The following CAMKV variants were observed in gnomAD, a reference collection of about 807,000 sequenced individuals.
CAMKV encodes the protein caM kinase-like vesicle-associated protein.
A neutral mutation model predicts 50.2 loss-of-function variants in CAMKV; 5 were observed. The ratio of observed to expected loss-of-function variants is 0.10; its 90% CI spans 0.05 to 0.21. The LOEUF (loss-of-function observed/expected upper bound fraction) is 0.21. Among genes scored for constraint, CAMKV ranks in the 10% least tolerant of loss-of-function variants. The pLI is 1.00. For synonymous variants in CAMKV, 229 were observed against 250.1 expected (o/e 0.92, Z 0.80); for missense variants, 361 against 650.5 (o/e 0.55, Z 4.84).
chr3:49,859,807 C>T lies in CAMKV; in HGVS notation c.1017G>A (p.Ser339=), dbSNP rs772234527. 14 of 1,545,674 alleles carry T rather than the reference C, an allele frequency of 9.1e-6. No homozygotes were observed. The highest frequency in any genetic ancestry group is 3.6e-5 in the Admixed American group (2 of 55,866). Residue 339 remains serine (S), a synonymous_variant, in exon 11 of 11, where the codon TCG becomes TCA. Transcript: ENST00000477224. The surrounding 1 kb of genome is among the most constrained non-coding windows in gnomAD (Gnocchi z 5.5). Reference sequence around the variant, plus strand: ...GGGTGGCAGTGTCTGTGGCTGAGGCCGACTGGGCTGCAGCCGTGCTGGACT... The same window carrying T: ...GGGTGGCAGTGTCTGTGGCTGAGGCTGACTGGGCTGCAGCCGTGCTGGACT... The part of the protein sequence containing the change: ...PEQSSTAAAQ[S]ASATDTATPG...
rs1256604504 is a variant in CAMKV, at chr3:49,869,419, G to A, written c.-15+339C>T. Among the ~76,000 whole-genome samples the A allele has an allele frequency of 2.0e-5, 3 of 152,166 alleles. No individual in the cohort carries two copies. The highest frequency in any genetic ancestry group is 1.9e-4 in the East Asian group (1 of 5,192). ...AGGGGCCCGGGGACAGTTGGGAGGG[G>A]CTGGAGGCGGCTCTGGGAACGGGGA... is the stretch of plus-strand genomic sequence containing the variant. On this transcript the variant is annotated intron_variant, in intron 1 of 10. Transcript: ENST00000477224. The surrounding 1 kb of genome is among the most constrained non-coding windows in gnomAD (Gnocchi z 5.2).
Position 49,858,213 on chromosome 3 carries a change from C to T in CAMKV, c.*1105G>A, listed in dbSNP as rs1467455919. 2.5e-6 allele frequency: 1 copy of T among 398,356 alleles called. No homozygotes were observed. Among genetic ancestry groups the T allele is most frequent in the Admixed American group, 4.4e-5 (1 of 22,708 alleles). 24.7% of individuals were successfully genotyped at this position (398,356 alleles called of 1,614,324 possible). A position where few individuals can be genotyped will look rare whatever the true frequency, so the allele number is the denominator to read the frequency against. On this transcript the variant is annotated 3_prime_UTR_variant, in exon 11 of 11. Coordinates refer to ENST00000477224, the MANE Select transcript of CAMKV (RefSeq NM_024046.5). ...CCTCAGGAAACTGGGGAGTTTAACC[C>T]TACTTCCTCATCCCAGAAAAAGCAA...
rs376794247 is a variant in CAMKV, at chr3:49,861,148, A to T, written c.562+32T>A. The T allele has an allele frequency of 1.1e-5, 17 of 1,585,106 alleles. No homozygotes were observed. The highest frequency in any genetic ancestry group is 1.4e-5 in the Non-Finnish European group (16 of 1,165,600). ...AGCTCCCTGAAGGCTGCCCCCCATTATCCCCCTGCCCCTGCCCCACCCCCT... is the reference window on the plus strand; with the variant it reads ...AGCTCCCTGAAGGCTGCCCCCCATTTTCCCCCTGCCCCTGCCCCACCCCCT... On this transcript the variant is annotated intron_variant, in intron 6 of 10. Coordinates refer to ENST00000477224, the MANE Select transcript of CAMKV (RefSeq NM_024046.5). The surrounding 1 kb of genome is among the most constrained non-coding windows in gnomAD (Gnocchi z 7.7).
rs2082011211 is a variant in CAMKV, at chr3:49,860,444, TC to T, written c.854+26del. 6.2e-7 allele frequency: 1 copy of T among 1,609,016 alleles called. No homozygotes were observed. The highest frequency in any genetic ancestry group is 1.1e-5 in the South Asian group (1 of 90,320). On this transcript the variant is annotated intron_variant, in intron 9 of 10. Coordinates refer to ENST00000477224, the MANE Select transcript of CAMKV (RefSeq NM_024046.5). This position sits in a 1 kb window ranked among gnomAD's most constrained non-coding sequence, Gnocchi z 6.1. ...TGGGTGTGAGGGGGACCCTGGCCTC[TC>T]CCACCCTCCCCTGGACCCTGCTCAC...
chr3:49,858,121 G>A lies in CAMKV; in HGVS notation c.*1197C>T, dbSNP rs936920130. On this transcript the variant is annotated 3_prime_UTR_variant, in exon 11 of 11. Coordinates refer to ENST00000477224, the MANE Select transcript of CAMKV (RefSeq NM_024046.5). Reference sequence around the variant, plus strand: ...CCACCACGGAGTGCCGAGCAAGGGCGAGGACCAATGTGGCTGCCTATCCAG... The same window carrying A: ...CCACCACGGAGTGCCGAGCAAGGGCAAGGACCAATGTGGCTGCCTATCCAG... 7.6e-6 allele frequency: 3 copies of A among 397,008 alleles called. No homozygotes were observed. Among genetic ancestry groups the A allele is most frequent in the Admixed American group, 4.4e-5 (1 of 22,694 alleles). 24.6% of individuals were successfully genotyped at this position (397,008 alleles called of 1,614,324 possible).
Position 49,858,695 on chromosome 3 carries a change from A to G in CAMKV, c.*623T>C, listed in dbSNP as rs1338562163. ...CAAAAATGGAAGCTTCTGCCCTCCT[A>G]CTCATTCTCTCCACTCCTGAGGACC... On this transcript the variant is annotated 3_prime_UTR_variant, in exon 11 of 11. Transcript: ENST00000477224. The G allele has an allele frequency of 4.4e-6, 1 of 225,378 alleles. No individual in the cohort carries two copies. Among genetic ancestry groups the G allele is most frequent in the Non-Finnish European group, 8.6e-6 (1 of 116,844 alleles). The allele number at this position is 225,378 out of a possible 1,614,324, so 14.0% of individuals were successfully genotyped here.
At position 49,859,083 on chromosome 3, in the gene CAMKV, C is replaced by G. The variant is rs1011669836; in HGVS notation, c.*235G>C. ...AAGCTAGCAAAAGACAGAAAAGCCA[C>G]AAGGAATCCATGCAGGGGCTGGGGC... On this transcript the variant is annotated 3_prime_UTR_variant, in exon 11 of 11. Transcript: ENST00000477224. This position sits in a 1 kb window ranked among gnomAD's most constrained non-coding sequence, Gnocchi z 5.5. 5.7e-5 allele frequency: 26 copies of G among 452,896 alleles called. No individual in the cohort carries two copies. Among genetic ancestry groups the G allele is most frequent in the African/African-American group, 4.3e-4 (22 of 51,470 alleles). 28.1% of individuals were successfully genotyped at this position (452,896 alleles called of 1,614,324 possible).
Position 49,859,913 on chromosome 3 carries a change from G to T in CAMKV, c.943-32C>A, listed in dbSNP as rs750815673. The stretch of plus-strand genomic sequence containing the variant: ...GGAGCACAGTGGAGAAAGGCTAAGG[G>T]TGAGGCTTGCTGGATCCATTGCTTG... On this transcript the variant is annotated intron_variant, in intron 10 of 10. Transcript: ENST00000477224. This position sits in a 1 kb window ranked among gnomAD's most constrained non-coding sequence, Gnocchi z 5.5. The T allele has an allele frequency of 4.7e-6, 7 of 1,502,588 alleles. No homozygotes were observed. The highest frequency in any genetic ancestry group is 6.2e-6 in the Non-Finnish European group (7 of 1,132,746). 93.1% of individuals were successfully genotyped at this position (1,502,588 alleles called of 1,614,324 possible). A position where few individuals can be genotyped will look rare whatever the true frequency, so the allele number is the denominator to read the frequency against.
chr3:49,863,353 T>C (rs1217956347), intron 1 of CAMKV: 2 of 152,242 alleles, frequency 1.3e-5, no homozygotes, highest in African/African-American at 4.8e-5. Flanking sequence ...TTCTTTTCTT[T>C]TCTTTCTTTC....
At position 49,862,612 on chromosome 3, in the gene CAMKV, G is replaced by A. The variant is rs975970006; in HGVS notation, c.-14-210C>T. On this transcript the variant is annotated intron_variant, in intron 1 of 10. Transcript: ENST00000477224. This position sits in a 1 kb window ranked among gnomAD's most constrained non-coding sequence, Gnocchi z 5.2. ...CAGCTTGGCTGCCTGAAGTGCAACAGCCTACATATGAAAAAATGTATTAAG... is the reference window on the plus strand; with the variant it reads ...CAGCTTGGCTGCCTGAAGTGCAACAACCTACATATGAAAAAATGTATTAAG... Among the ~76,000 whole-genome samples, 1 of 152,186 alleles carries A rather than the reference G, an allele frequency of 6.6e-6. No homozygotes were observed. Among genetic ancestry groups the A allele is most frequent in the Non-Finnish European group, 1.5e-5 (1 of 68,042 alleles).
Position 49,862,483 on chromosome 3 carries a change from A to T in CAMKV, c.-14-81T>A. 1 of 1,297,086 alleles carries T rather than the reference A, an allele frequency of 7.7e-7. No homozygotes were observed. Among genetic ancestry groups the T allele is most frequent in the Admixed American group, 1.7e-5 (1 of 57,504 alleles). 80.3% of individuals were successfully genotyped at this position (1,297,086 alleles called of 1,614,324 possible). On this transcript the variant is annotated intron_variant, in intron 1 of 10. Coordinates refer to ENST00000477224, the MANE Select transcript of CAMKV (RefSeq NM_024046.5). The surrounding 1 kb of genome is among the most constrained non-coding windows in gnomAD (Gnocchi z 5.2). ...TAGGGGCTGCTTTTGGGAGACCCCA[A>T]CCTGGCTCAGGCCAAGCTAGGGGCA...
chr3:49,860,371 T>C lies in CAMKV; in HGVS notation c.854+100A>G. 6.5e-7 allele frequency: 1 copy of C among 1,530,884 alleles called. No homozygotes were observed. The highest frequency in any genetic ancestry group is 9.0e-7 in the Non-Finnish European group (1 of 1,108,392). The allele number at this position is 1,530,884 out of a possible 1,614,324, so 94.8% of individuals were successfully genotyped here. A position where few individuals can be genotyped will look rare whatever the true frequency, so the allele number is the denominator to read the frequency against. The stretch of plus-strand genomic sequence containing the variant: ...ACCAGGCAGAGCCTCTGGGCTGCCC[T>C]GAGCTCTAGGTACCTGCACCCCTTC... On this transcript the variant is annotated intron_variant, in intron 9 of 10. Transcript: ENST00000477224. This position sits in a 1 kb window ranked among gnomAD's most constrained non-coding sequence, Gnocchi z 6.1.
At position 49,862,152 on chromosome 3, in the gene CAMKV, C is replaced by T; in HGVS notation, c.120G>A (p.Arg40=). The T allele has an allele frequency of 6.2e-7, 1 of 1,614,208 alleles. No homozygotes were observed. Residue 40 remains arginine (R), a synonymous_variant, in exon 3 of 11, where the codon CGG becomes CGA. Transcript: ENST00000477224. This position sits in a 1 kb window ranked among gnomAD's most constrained non-coding sequence, Gnocchi z 5.2. The part of the protein sequence containing the change: ...IKTEEFCEIF[R]AKDKTTGKLH... The stretch of plus-strand genomic sequence containing the variant: ...GCTTGCCTGTCGTCTTGTCCTTGGC[C>T]CGGAAGATTTCACAAAACTCCTCAC...
chr3:49,859,460 T>C lies in CAMKV; in HGVS notation c.1364A>G (p.Lys455Arg), dbSNP rs1026894871. Residue 455 changes from lysine to arginine, a missense_variant, in exon 11 of 11, where the codon AAG (lysine) becomes AGG (arginine). Around this residue, in one of 4 missense-constraint regions of CAMKV, gnomAD observed 75 missense variants for 84.2 expected, o/e 0.89. Transcript: ENST00000477224. This position sits in a 1 kb window ranked among gnomAD's most constrained non-coding sequence, Gnocchi z 5.5. Reference protein sequence around the residue: ...TTQSSAMLATKAAATPEPAMA... With the variant: ...TTQSSAMLATRAAATPEPAMA... ...AGCCGGCTCAGGGGTGGCAGCTGCC[T>C]TGGTGGCCAGCATGGCACTGCTTTG... 1.3e-5 allele frequency: 21 copies of C among 1,613,836 alleles called. No individual in the cohort carries two copies. Among genetic ancestry groups the C allele is most frequent in the Non-Finnish European group, 1.7e-5 (20 of 1,179,852 alleles).
At position 49,861,161 on chromosome 3, in the gene CAMKV, T is replaced by C. The variant is rs565680502; in HGVS notation, c.562+19A>G. The C allele has an allele frequency of 3.3e-6, 3 of 905,846 alleles. No homozygotes were observed. The highest frequency in any genetic ancestry group is 2.6e-5 in the South Asian group (2 of 77,040). The allele number at this position is 905,846 out of a possible 1,614,324, so 56.1% of individuals were successfully genotyped here. A position where few individuals can be genotyped will look rare whatever the true frequency, so the allele number is the denominator to read the frequency against. On this transcript the variant is annotated intron_variant, in intron 6 of 10. Transcript: ENST00000477224. This position sits in a 1 kb window ranked among gnomAD's most constrained non-coding sequence, Gnocchi z 7.7. ...CTGCCCCCCATTATCCCCCTGCCCC[T>C]GCCCCACCCCCTGCTTGCCCAGATA... is the stretch of plus-strand genomic sequence containing the variant.
Position 49,860,306 on chromosome 3 carries a change from G to A in CAMKV, c.855-48C>T. The A allele has an allele frequency of 1.3e-6, 2 of 1,586,214 alleles. No individual in the cohort carries two copies. The highest frequency in any genetic ancestry group is 1.7e-6 in the Non-Finnish European group (2 of 1,154,796). Reference sequence around the variant, plus strand: ...TGGATCTGAGAGAATGAGCCTTTGTGGAGACTCTGCTCAGCCCTTCTATGT... The same window carrying A: ...TGGATCTGAGAGAATGAGCCTTTGTAGAGACTCTGCTCAGCCCTTCTATGT... On this transcript the variant is annotated intron_variant, in intron 9 of 10. Transcript: ENST00000477224. This position sits in a 1 kb window ranked among gnomAD's most constrained non-coding sequence, Gnocchi z 6.1.
At position 49,862,299 on chromosome 3, in the gene CAMKV, G is replaced by C. The variant is rs1312975289; in HGVS notation, c.90C>G (p.Ile30Met). ...CTGACAGGCCCGGCACTCACGTCTT[G>C]ATGACCTGTCCCAAATCATATCTGT... is the stretch of plus-strand genomic sequence containing the variant. ...VTDRYDLGQV[I>M]KTEEFCEIFR... Residue 30 changes from isoleucine to methionine, a missense_variant, in exon 2 of 11, where the codon ATC (isoleucine) becomes ATG (methionine). Coordinates refer to ENST00000477224, the MANE Select transcript of CAMKV (RefSeq NM_024046.5). This position sits in a 1 kb window ranked among gnomAD's most constrained non-coding sequence, Gnocchi z 5.2. The C allele has an allele frequency of 1.2e-6, 2 of 1,614,078 alleles. No homozygotes were observed. The highest frequency in any genetic ancestry group is 1.7e-6 in the Non-Finnish European group (2 of 1,180,034).
At chr3:49,863,337 T>C (rs1575408077) in intron 1 of CAMKV, 1 of 149,652 alleles carries the variant, frequency 6.7e-6, no homozygotes, top group East Asian at 1.9e-4. Flanking sequence ...GGAAGACCTA[T>C]TTCTTTTCTT....
chr3:49,865,360 A>G (rs1344806235), intron 1 of CAMKV, among the ~76,000 whole-genome samples: 3 of 152,130 alleles, frequency 2.0e-5, no homozygotes, highest in African/African-American at 7.2e-5. Flanking sequence ...GGGCAGGAGG[A>G]TGGTACCTTA....
Sources: allele counts gnomAD v4.1 joint callset (sites outside exome capture counted in the v4.1 genomes callset), GRCh38; gene constraint gnomAD v4.1.1; regional missense constraint gnomAD v4.1.1; non-coding constraint Gnocchi (gnomAD v3.1); transcripts MANE v1.5; gene names NCBI Gene and HGNC (gene_info 2026-07-23, HGNC 2026-07-21).